Variants in MMP13 observed in about 807,000 individuals in gnomAD.
MMP13 encodes matrix metallopeptidase 13.
A neutral mutation model predicts 52.1 loss-of-function variants in MMP13; 45 were observed. The observed-to-expected ratio is 0.86, with a 90% confidence interval of 0.68 to 1.11. The LOEUF (loss-of-function observed/expected upper bound fraction) is 1.11, where lower values mean the gene tolerates loss of function less well. MMP13 is among the 50% of genes least tolerant of loss of function. The probability of loss-of-function intolerance (pLI) is 0.00; values close to 1 mark genes in which losing one functional copy is unlikely to be tolerated. For missense variants in MMP13, 576 were observed against 583.8 expected (o/e 0.99, Z 0.14); for synonymous variants, 200 against 204.4 (o/e 0.98, Z 0.18).
At chr11:102,954,302 T>G (rs1478750612) in intron 3 of MMP13, 21 bp from the exon 4 acceptor site, 2 of 1,613,498 alleles carry the variant, frequency 1.2e-6, no homozygotes, top group Non-Finnish European at 1.7e-6. Context: ...AAGCAAGGGT[T>G]AGGAGTCTTA....
chr11:102,944,362 A>G lies in MMP13; in HGVS notation c.1320T>C (p.Tyr440=). 1.2e-6 allele frequency: 2 copies of G among 1,601,004 alleles called. No individual in the cohort carries two copies. Among genetic ancestry groups the G allele is most frequent in the East Asian group, 2.2e-5 (1 of 44,748 alleles). ...GTATGGGTCCGTTGAAAAAATAGAT[A>G]TAACCTATAAGAAAAAGCATAAAGA... ...KVDAVYEKNG[Y]IYFFNGPIQF... is the part of the protein sequence containing the mutation. The change falls in exon 10 of 10, where the codon TAT becomes TAC. Residue 440 remains tyrosine (Y), a synonymous_variant. Coordinates refer to ENST00000260302, the MANE Select transcript of MMP13 (RefSeq NM_002427.4).
At position 102,954,164 on chromosome 11, in the gene MMP13, C is replaced by G. The variant is rs768511359; in HGVS notation, c.629G>C (p.Ser210Thr). ...TTTATAAGAAACATTACCTTTGGAA[C>G]TACTTGTCCAGGTTTCATCATCATC... ...HFDDDETWTS[S>T]SKGYNLFLVA... Residue 210 changes from serine to threonine, a missense_variant, in exon 4 of 10, where the codon AGT becomes ACT. Coordinates refer to ENST00000260302, the MANE Select transcript of MMP13 (RefSeq NM_002427.4). 1 of 1,613,308 alleles carries G rather than the reference C, an allele frequency of 6.2e-7. No homozygotes were observed. The highest frequency in any genetic ancestry group is 8.5e-7 in the Non-Finnish European group (1 of 1,179,602).
At chr11:102,951,889 G>A (rs1555017365) in intron 5 of MMP13, 123 bp downstream of exon 5, 10 of 971,572 alleles carry the variant, frequency 1.0e-5, no homozygotes, top group Non-Finnish European at 1.5e-5. Flanking sequence ...TGAAACCTTT[G>A]TCATGCATGC....
In MMP13 at chr11:102,945,688, G is replaced by A. The variant is rs1860494694; in HGVS notation, c.1273C>T (p.Pro425Ser). The change falls in exon 9 of 10, where the codon CCA becomes TCA. Residue 425 changes from proline (P) to serine (S), a missense_variant. Pro to Ser is a moderately conservative substitution (Grantham distance 74). Transcript: ENST00000260302. ...DYPRLIEEDF[P>S]GIGDKVDAVY... Reference sequence around the variant, plus strand: ...GCATCTACTTTATCACCAATTCCTGGGAAGTCTTCTTCTATTAGTCTCGGA... The same window carrying A: ...GCATCTACTTTATCACCAATTCCTGAGAAGTCTTCTTCTATTAGTCTCGGA... 1.2e-6 allele frequency: 2 copies of A among 1,603,262 alleles called. No individual in the cohort carries two copies. The highest frequency in any genetic ancestry group is 4.5e-5 in the East Asian group (2 of 44,720).
At position 102,947,989 on chromosome 11, in the gene MMP13, A is replaced by G; in HGVS notation, c.1113T>C (p.Ser371=). Residue 371 remains serine (S), a synonymous_variant, in exon 8 of 10, where the codon TCT becomes TCC. Transcript: ENST00000260302. ...DILEGYPKKI[S]ELGLPKEVKK... ...TAACTTCTTTTGGAAGACCCAGTTC[A>G]GATATTTTTTTGGGATAACCTTCCA... The G allele has an allele frequency of 6.2e-7, 1 of 1,613,894 alleles. No homozygotes were observed. The highest frequency in any genetic ancestry group is 8.5e-7 in the Non-Finnish European group (1 of 1,179,888).
Position 102,949,762 on chromosome 11 carries a change from C to T in MMP13, c.917+348G>A, listed in dbSNP as rs939401901. ...GAATCAAAGTCTTTCCATACCAAAACGAATCCGTGTGGGCCTAACGAGTAA... is the reference window on the plus strand; with the variant it reads ...GAATCAAAGTCTTTCCATACCAAAATGAATCCGTGTGGGCCTAACGAGTAA... On this transcript the variant is annotated intron_variant, in intron 6 of 9. Transcript: ENST00000260302. The surrounding 1 kb of genome is among the most constrained non-coding windows in gnomAD (Gnocchi z 4.2). 4.6e-5 allele frequency among the ~76,000 whole-genome samples: 7 copies of T among 152,064 alleles called. No individual in the cohort carries two copies. Among genetic ancestry groups the T allele is most frequent in the Admixed American group, 2.6e-4 (4 of 15,262 alleles).
At chr11:102,944,987 T>C in intron 9 of MMP13, 13 of 200,348 alleles carry the variant, frequency 6.5e-5, no homozygotes, top group South Asian at 3.6e-4. Context: ...GTCAGGCCTG[T>C]AATCTGAGCA....
rs782707715 is a variant in MMP13 at position 102,944,300 on chromosome 11, C to A, written c.1382G>T (p.Arg461Leu). Reference protein sequence around the residue: ...EYSIWSNRIVRVMPANSILWC With the variant: ...EYSIWSNRIVLVMPANSILWC Reference sequence around the variant, plus strand: ...CAAAATGGAATTTGCTGGCATGACGCGAACAATACGGTTACTCCAGATGCT... The same window carrying A: ...CAAAATGGAATTTGCTGGCATGACGAGAACAATACGGTTACTCCAGATGCT... The change falls in exon 10 of 10, where the codon CGC (arginine) becomes CTC (leucine). Residue 461 changes from arginine to leucine, a missense_variant. Physicochemically the swap from Arg to Leu is moderately radical, Grantham distance 102. Transcript: ENST00000260302. The A allele has an allele frequency of 1.2e-6, 2 of 1,613,052 alleles. No homozygotes were observed. Among genetic ancestry groups the A allele is most frequent in the Non-Finnish European group, 1.7e-6 (2 of 1,179,376 alleles).
chr11:102,955,484 T>C lies in MMP13; in HGVS notation c.130A>G (p.Arg44Gly). Residue 44 changes from arginine to glycine, a missense_variant, in exon 2 of 10, where the codon AGA (arginine) becomes GGA (glycine). Transcript: ENST00000260302. This position sits in a 1 kb window ranked among gnomAD's most constrained non-coding sequence, Gnocchi z 4.9. Reference sequence around the variant, plus strand: ...AGATTTGTAGGATGGTAGTATGATCTCAGGTAGCGCTAGAAAAGACACCAA... The same window carrying C: ...AGATTTGTAGGATGGTAGTATGATCCCAGGTAGCGCTAGAAAAGACACCAA... Reference protein sequence around the residue: ...EDLQFAERYLRSYYHPTNLAG... With the variant: ...EDLQFAERYLGSYYHPTNLAG... 2.5e-6 allele frequency: 4 copies of C among 1,613,998 alleles called. No homozygotes were observed. Among genetic ancestry groups the C allele is most frequent in the Non-Finnish European group, 3.4e-6 (4 of 1,179,926 alleles).
intron 9 of MMP13, 119 bp downstream of exon 9, chr11:102,945,527 C>T (rs1860490097): frequency 8.3e-6 from 6 of 722,222 alleles, no homozygotes; most frequent in Non-Finnish European, 1.2e-5. Flanking sequence ...CAATTAATTC[C>T]TTAACTGCCA....
In MMP13 at chr11:102,949,390, GA is replaced by G. The variant is rs1860570945; in HGVS notation, c.918-233del. On this transcript the variant is annotated intron_variant, in intron 6 of 9. Transcript: ENST00000260302. The surrounding 1 kb of genome is among the most constrained non-coding windows in gnomAD (Gnocchi z 4.2). Reference sequence around the variant, plus strand: ...CTCACAGAGCCTGTGTGAGGTCTCTGAGTTCTTTGCAGGTTGAAACAGTCTT... The same window carrying G: ...CTCACAGAGCCTGTGTGAGGTCTCTGGTTCTTTGCAGGTTGAAACAGTCTT... 6.6e-6 allele frequency among the ~76,000 whole-genome samples: 1 copy of G among 152,168 alleles called. No homozygotes were observed. The highest frequency in any genetic ancestry group is 1.5e-5 in the Non-Finnish European group (1 of 68,024).
intron 9 of MMP13, chr11:102,945,211 TC>T: frequency 1.4e-6 from 1 of 724,732 alleles, no homozygotes; most frequent in South Asian, 1.7e-5. Flanking sequence ...GACAATGAAC[TC>T]CAGCCTGGGT....
rs1860538798 is a variant in MMP13, at chr11:102,947,873, T to C, written c.1211+18A>G. 2.5e-6 allele frequency: 4 copies of C among 1,613,628 alleles called. No individual in the cohort carries two copies. The highest frequency in any genetic ancestry group is 3.4e-6 in the Non-Finnish European group (4 of 1,179,736). ...TGCGGCTATGACACAGATGGGTCAG[T>C]ACCTACTGCTGCCATACCTCCAGAC... is the stretch of plus-strand genomic sequence containing the variant. On this transcript the variant is annotated intron_variant, in intron 8 of 9. Transcript: ENST00000260302.
At chr11:102,950,602 G>C (rs113188755) in intron 5 of MMP13, among the ~76,000 whole-genome samples, 3 of 152,090 alleles carry the variant, frequency 2.0e-5, no homozygotes, top group African/African-American at 7.2e-5. Context: ...TATTTTTCCT[G>C]CAAAAGCCCT....
rs71066125 is a variant in MMP13 at position 102,947,667 on chromosome 11, T to TTGTGTGTGTGTGTG, written c.1211+210_1211+223dup. Reference sequence around the variant, plus strand: ...GTTTGAGAAGAGGAATGTTTGAGTATTGTGTGTGTGTGTGTGTGTGTGTGT... The same window carrying TTGTGTGTGTGTGTG: ...GTTTGAGAAGAGGAATGTTTGAGTATTGTGTGTGTGTGTGTGTGTGTGTGTGTGTGTGTGTGTGT... On this transcript the variant is annotated intron_variant, in intron 8 of 9. Coordinates refer to ENST00000260302, the MANE Select transcript of MMP13 (RefSeq NM_002427.4). Among the ~76,000 whole-genome samples, 323 of 144,906 alleles carry TTGTGTGTGTGTGTG rather than the reference T, an allele frequency of 2.2e-3. 2 individuals are homozygous for TTGTGTGTGTGTGTG. Among genetic ancestry groups the TTGTGTGTGTGTGTG allele is most frequent in the East Asian group, 8.7e-3 (42 of 4,840 alleles).
chr11:102,954,254 C>G lies in MMP13; in HGVS notation c.539G>C (p.Gly180Ala), dbSNP rs764647902. Reference protein sequence around the residue: ...KEHGDFYPFDGPSGLLAHAFP... With the variant: ...KEHGDFYPFDAPSGLLAHAFP... ...AGCATGAGCCAGCAGGCCAGAGGGC[C>G]CATCAAATGGGTAGAAGTCGCCATG... Residue 180 changes from glycine (G) to alanine (A), a missense_variant, in exon 4 of 10, where the codon GGG becomes GCG. By Grantham distance (60) the Gly-to-Ala change is moderately conservative. Coordinates refer to ENST00000260302, the MANE Select transcript of MMP13 (RefSeq NM_002427.4). The G allele has an allele frequency of 6.2e-6, 10 of 1,613,370 alleles. No homozygotes were observed. The East Asian group carries it at 1.1e-4, about 18-fold the overall frequency.
In MMP13 at chr11:102,952,056, A is replaced by G. The variant is rs782033346; in HGVS notation, c.755T>C (p.Phe252Ser). The G allele has an allele frequency of 6.2e-7, 1 of 1,613,394 alleles. No individual in the cohort carries two copies. The part of the protein sequence containing the change: ...PIYTYTGKSH[F>S]MLPDDDVQGI... ...TTGTACATCGTCATCAGGAAGCATA[A>G]AGTGGCTTTTGCCGGTGTAGGTGTA... is the stretch of plus-strand genomic sequence containing the variant. Residue 252 changes from phenylalanine (F) to serine (S), a missense_variant, in exon 5 of 10, where the codon TTT becomes TCT. Physicochemically the swap from Phe to Ser is radical, Grantham distance 155 (BLOSUM62 -2). Transcript: ENST00000260302. This position sits in a 1 kb window ranked among gnomAD's most constrained non-coding sequence, Gnocchi z 4.3.
chr11:102,955,542 T>A lies in MMP13; in HGVS notation c.120+44A>T. 5 of 1,613,986 alleles carry A rather than the reference T, an allele frequency of 3.1e-6. No homozygotes were observed. Among genetic ancestry groups the A allele is most frequent in the Non-Finnish European group, 4.2e-6 (5 of 1,179,874 alleles). Reference sequence around the variant, plus strand: ...TGCGTTTAAAAGAGAAGGACATTTCTGAGATGTACCAACCGCATCATCAGG... The same window carrying A: ...TGCGTTTAAAAGAGAAGGACATTTCAGAGATGTACCAACCGCATCATCAGG... On this transcript the variant is annotated intron_variant, in intron 1 of 9. Transcript: ENST00000260302. This position sits in a 1 kb window ranked among gnomAD's most constrained non-coding sequence, Gnocchi z 4.9.
At position 102,954,509 on chromosome 11, in the gene MMP13, T is replaced by C. The variant is rs1337207775; in HGVS notation, c.460A>G (p.Thr154Ala). Residue 154 changes from threonine (T) to alanine (A), a missense_variant, in exon 3 of 10, where the codon ACC becomes GCC. Coordinates refer to ENST00000260302, the MANE Select transcript of MMP13 (RefSeq NM_002427.4). ...VWSDVTPLNF[T>A]RLHDGIADIM... Reference sequence around the variant, plus strand: ...TCAGCAATGCCATCGTGAAGTCTGGTAAAATTCAGAGGAGTTACATCGGAC... The same window carrying C: ...TCAGCAATGCCATCGTGAAGTCTGGCAAAATTCAGAGGAGTTACATCGGAC... The C allele has an allele frequency of 4.3e-6, 7 of 1,613,650 alleles. No individual in the cohort carries two copies. The highest frequency in any genetic ancestry group is 2.7e-5 in the African/African-American group (2 of 74,928).
Sources: gnomAD v4.1 joint callset for allele counts (sites outside exome capture counted in the v4.1 genomes callset) on GRCh38, gnomAD v4.1.1 for gene constraint, Gnocchi (gnomAD v3.1) non-coding constraint, MANE v1.5 for transcripts, NCBI Gene and HGNC (gene_info 2026-07-23, HGNC 2026-07-21) for gene names.